TTC6: variants seen among roughly 807,000 people sequenced by gnomAD.
TTC6 encodes tetratricopeptide repeat domain 6.
TTC6 carries 172 observed loss-of-function variants against 210.4 expected under a neutral mutation model. The observed-to-expected ratio is 0.82, with a 90% CI of 0.72 to 0.93. The LOEUF (loss-of-function observed/expected upper bound fraction) is 0.93, where lower values mean the gene tolerates loss of function less well. Ranked by LOEUF, TTC6 falls within the 40% of genes least tolerant of loss-of-function variation. TTC6 has a pLI of 0.00. For synonymous variants in TTC6, 804 were observed against 819.6 expected, an observed-to-expected ratio of 0.98 and a Z score of 0.32; for missense variants, 2,414 against 2,318.1, an observed-to-expected ratio of 1.04 and a Z score of -0.85.
intron 2 of TTC6, 48 bp downstream of exon 4, chr14:37,680,309 A>C (rs2095780442): frequency 8.4e-7 from 1 of 1,195,996 alleles, no homozygotes; most frequent in South Asian, 1.4e-5. Context: ...AAGTAACAGC[A>C]TGCTTCCTGT....
intron 6 of TTC6, among the ~76,000 whole-genome samples, chr14:37,716,155 A>G (rs917972314): frequency 6.6e-6 from 1 of 152,160 alleles, no homozygotes; most frequent in Non-Finnish European, 1.5e-5. Context: ...AGCTATATTT[A>G]TAAAATGTAA....
intron 1 of TTC6, 47 bp downstream of exon 3, chr14:37,623,050 G>T: frequency 7.4e-7 from 1 of 1,357,324 alleles, no homozygotes; most frequent in South Asian, 1.5e-5. Context: ...ATGCAATTTG[G>T]GTTACATTAC....
At chr14:37,665,335 A>G (rs947419364) in intron 1 of TTC6, among the ~76,000 whole-genome samples, 1 of 150,552 alleles carries the variant, frequency 6.6e-6, no homozygotes, top group East Asian at 1.9e-4. Flanking sequence ...GAATGAGATC[A>G]TCTCCTTTGC....
At chr14:37,799,439 C>A (rs1158015302) in intron 20 of TTC6, among the ~76,000 whole-genome samples, 9 of 152,122 alleles carry the variant, frequency 5.9e-5, no homozygotes, top group Admixed American at 3.3e-4. Flanking sequence ...AATCTGGCTC[C>A]TTTCCTCTTG....
chr14:37,640,931 C>T (rs1287619896), intron 1 of TTC6, among the ~76,000 whole-genome samples: 1 of 152,160 alleles, frequency 6.6e-6, no homozygotes, highest in African/African-American at 2.4e-5. Context: ...GGGCCACAAG[C>T]TGACAAGCTG....
At chr14:37,633,590 T>C (rs1000215480) in intron 1 of TTC6, among the ~76,000 whole-genome samples, 1 of 152,206 alleles carries the variant, frequency 6.6e-6, no homozygotes, top group Non-Finnish European at 1.5e-5. Flanking sequence ...CAGCAGGTAT[T>C]TCTTTATAGC....
At chr14:37,668,326 A>G (rs938426914) in intron 1 of TTC6, among the ~76,000 whole-genome samples, 4 of 150,588 alleles carry the variant, frequency 2.7e-5, no homozygotes, top group African/African-American at 9.7e-5. Flanking sequence ...AGGGCTTAGT[A>G]CCAAACAATA....
chr14:37,836,519 A>G (rs530922096), intron 29 of TTC6, among the ~76,000 whole-genome samples: 1 of 152,252 alleles, frequency 6.6e-6, no homozygotes, highest in South Asian at 2.1e-4. Flanking sequence ...GTTAGATCTA[A>G]AGTGTAGTTT....
chr14:37,638,593 A>G (rs1408510142), intron 1 of TTC6, among the ~76,000 whole-genome samples: 1 of 141,036 alleles, frequency 7.1e-6, no homozygotes, highest in African/African-American at 2.6e-5. Context: ...ACAGGAATGG[A>G]GAACAAGTTT....
Position 37,753,655 on chromosome 14 carries a change from A to T in TTC6, c.3266+420A>T, listed in dbSNP as rs1372286547. Among the ~76,000 whole-genome samples, 4 of 152,094 alleles carry T rather than the reference A, an allele frequency of 2.6e-5. No homozygotes were observed. In the South Asian group the frequency reaches 8.3e-4, roughly 32 times the overall value. ...GCAGTCATGGCTCACTGCAGCCTGA[A>T]TCTCCTGGGCTCATGCGATCCTCCC... On this transcript the variant is annotated intron_variant, in intron 14 of 30. Transcript: ENST00000553443.
chr14:37,742,652 A>G (rs551623043), intron 10 of TTC6, among the ~76,000 whole-genome samples: 2 of 151,468 alleles, frequency 1.3e-5, no homozygotes, highest in South Asian at 2.1e-4. Context: ...TTCTGGTCTC[A>G]AGCAATCCAC....
intron 29 of TTC6, among the ~76,000 whole-genome samples, chr14:37,830,757 T>TA (rs397729398): frequency 3.3e-5 from 5 of 151,918 alleles, no homozygotes; most frequent in Non-Finnish European, 7.4e-5. Context: ...TAGATTTTTT[T>TA]AAATGAATTT....
chr14:37,700,572 A>T (rs549532459), intron 4 of TTC6, among the ~76,000 whole-genome samples: 1 of 151,760 alleles, frequency 6.6e-6, no homozygotes, highest in East Asian at 2.0e-4. Context: ...GGGAAACCCC[A>T]TCTCTACTAA....
intron 8 of TTC6, among the ~76,000 whole-genome samples, chr14:37,737,075 C>A (rs1296774299): frequency 6.6e-6 from 1 of 152,016 alleles, no homozygotes; most frequent in African/African-American, 2.4e-5. Context: ...TTCTTTATTG[C>A]TGTTTGCATC....
Position 37,598,481 on chromosome 14 carries a change from G to T in TTC6, c.-235+2473G>T, listed in dbSNP as rs2095608897. Among the ~76,000 whole-genome samples, 1 of 152,242 alleles carries T rather than the reference G, an allele frequency of 6.6e-6. No homozygotes were observed. The highest frequency in any genetic ancestry group is 2.1e-4 in the South Asian group (1 of 4,838). The stretch of plus-strand genomic sequence containing the variant: ...GGAAGCTGCCCTTGCTACACCCGTG[G>T]GGCCTGCTCCCGGCGCAGTCCCGCA... On this transcript the variant is annotated intron_variant, in intron 1 of 2. Transcript: ENST00000556845. The surrounding 1 kb of genome is among the most constrained non-coding windows in gnomAD (Gnocchi z 4.9).
intron 15 of TTC6, among the ~76,000 whole-genome samples, chr14:37,788,363 G>T (rs1250610263): frequency 6.6e-6 from 1 of 151,958 alleles, no homozygotes; most frequent in African/African-American, 2.4e-5. Context: ...GCAAAGTTCT[G>T]GAATCCCATC....
At chr14:37,631,961 C>T (rs1290605470) in intron 1 of TTC6, among the ~76,000 whole-genome samples, 1 of 152,116 alleles carries the variant, frequency 6.6e-6, no homozygotes, top group Non-Finnish European at 1.5e-5. Context: ...TTTTCAGCTT[C>T]ATCAGGTCAT....
At position 37,834,559 on chromosome 14, in the gene TTC6, G is replaced by A. The variant is rs528149933; in HGVS notation, c.5299-6886G>A. On this transcript the variant is annotated intron_variant, in intron 29 of 30. Transcript: ENST00000553443. ...TTTCTTATGATATCTATCTTTGTTC[G>A]ATTTCTCATCTAAATCATGAAGTTT... Among the ~76,000 whole-genome samples the A allele has an allele frequency of 1.3e-4, 19 of 151,828 alleles. No homozygotes were observed. In the South Asian group the frequency reaches 1.7e-3, roughly 13 times the overall value.
chr14:37,751,267 G>A, intron 13 of TTC6, 42 bp downstream of exon 15: 1 of 1,404,394 alleles, frequency 7.1e-7, no homozygotes, highest in Non-Finnish European at 9.4e-7. Flanking sequence ...ATATAGTTTA[G>A]ATTGCGATAT....
Sources: gnomAD v4.1 joint callset for allele counts (sites outside exome capture counted in the v4.1 genomes callset) on GRCh38, gnomAD v4.1.1 for gene constraint, Gnocchi (gnomAD v3.1) non-coding constraint, MANE v1.5 for transcripts, NCBI Gene and HGNC (gene_info 2026-07-23, HGNC 2026-07-21) for gene names.